Variants in G2E3 observed in about 807,000 individuals in gnomAD.
G2E3 encodes the protein G2/M phase-specific E3 ubiquitin-protein ligase.
Under a neutral mutation model 92.8 loss-of-function variants are expected in G2E3, and 35 were observed. That is an observed-to-expected ratio of 0.38 (90% CI 0.29 to 0.50). G2E3 has a LOEUF of 0.50. G2E3 is among the 20% of genes least tolerant of loss of function. G2E3 has a pLI of 0.94. For missense variants in G2E3, 554 were observed against 823.8 expected, an observed-to-expected ratio of 0.67 and a Z score of 4.01; for synonymous variants, 242 against 272.4, an observed-to-expected ratio of 0.89 and a Z score of 1.10.
At chr14:30,583,902 T>G (rs554439165) in intron 2 of G2E3, among the ~76,000 whole-genome samples, 12 of 152,326 alleles carry the variant, frequency 7.9e-5, no homozygotes, top group African/African-American at 2.9e-4. Context: ...TTTTGAGATA[T>G]ACAGTTTGGT....
At chr14:30,559,362 C>T (rs996838069) in intron 1 of G2E3, 90 bp downstream of exon 1, 4 of 152,578 alleles carry the variant, frequency 2.6e-5, no homozygotes, top group African/African-American at 7.2e-5. Flanking sequence ...GGCCGGACGT[C>T]GCAGCCGGGG....
intron 1 of G2E3, among the ~76,000 whole-genome samples, chr14:30,565,124 C>G (rs1009670258): frequency 6.6e-6 from 1 of 152,194 alleles, no homozygotes; most frequent in African/African-American, 2.4e-5. Flanking sequence ...TCCATATCAT[C>G]ATTAACACTT....
At chr14:30,574,655 T>TA (rs1446651602) in intron 1 of G2E3, 1 of 152,214 alleles carries the variant, frequency 6.6e-6, no homozygotes, top group Non-Finnish European at 1.5e-5. Context: ...AGCTCCCACT[T>TA]ACAAGTGAGA....
intron 1 of G2E3, among the ~76,000 whole-genome samples, chr14:30,571,608 A>G (rs940114270): frequency 6.6e-6 from 1 of 151,954 alleles, no homozygotes; most frequent in African/African-American, 2.4e-5. Flanking sequence ...ATATGAGGTC[A>G]ATGTTCTTCC....
chr14:30,565,643 T>C (rs1879380834), intron 1 of G2E3, among the ~76,000 whole-genome samples: 1 of 146,168 alleles, frequency 6.8e-6, no homozygotes, highest in Non-Finnish European at 1.5e-5. Context: ...GGGGTTCAAC[T>C]TCATTCCTTT....
chr14:30,567,149 T>C (rs1178085661), intron 1 of G2E3, among the ~76,000 whole-genome samples: 1 of 152,172 alleles, frequency 6.6e-6, no homozygotes, highest in East Asian at 1.9e-4. Context: ...TTCTGTGATG[T>C]CTTTTTCTGG....
intron 1 of G2E3, among the ~76,000 whole-genome samples, chr14:30,563,662 ATAACT>A (rs1203537034): frequency 4.6e-5 from 7 of 151,576 alleles, no homozygotes; most frequent in Admixed American, 3.3e-4. Context: ...TTATATATTG[ATAACT>A]TAATGTAAAC....
intron 1 of G2E3, among the ~76,000 whole-genome samples, chr14:30,568,330 A>T (rs1879559334): frequency 6.6e-6 from 1 of 152,142 alleles, no homozygotes; most frequent in African/African-American, 2.4e-5. Flanking sequence ...CCTAGTAGAT[A>T]GTGTATGTAT....
At position 30,597,479 on chromosome 14, in the gene G2E3, C is replaced by T. The variant is rs1881345918; in HGVS notation, c.588C>T (p.Asp196=). 1.3e-6 allele frequency: 2 copies of T among 1,594,800 alleles called. No homozygotes were observed. Among genetic ancestry groups the T allele is most frequent in the African/African-American group, 1.3e-5 (1 of 74,694 alleles). Residue 196 remains aspartate (D), a synonymous_variant, in exon 7 of 15, where the codon GAC becomes GAT. Transcript: ENST00000206595. ...GGTGTACAATATGCAATAATAGTGA[C>T]ATCTTTCAGAAAGAGATGTTGAGAA... is the stretch of plus-strand genomic sequence containing the variant. ...FFRCTICNNS[D]IFQKEMLRMG...
intron 1 of G2E3, among the ~76,000 whole-genome samples, chr14:30,574,317 G>A (rs1417194972): frequency 6.6e-6 from 1 of 151,998 alleles, no homozygotes; most frequent in Admixed American, 6.6e-5. Context: ...TTGGTCAATT[G>A]CCTCGGTGAT....
intron 8 of G2E3, 87 bp downstream of exon 8, chr14:30,598,686 T>A (rs1046378691): frequency 5.9e-5 from 52 of 876,560 alleles, no homozygotes; most frequent in Admixed American, 1.4e-4. Flanking sequence ...TGAAACGTAG[T>A]TTTTCTCTTA....
intron 10 of G2E3, among the ~76,000 whole-genome samples, chr14:30,604,354 T>TTC (rs1343365821): frequency 6.6e-6 from 1 of 152,240 alleles, no homozygotes; most frequent in African/African-American, 2.4e-5. Flanking sequence ...TGGGACAGAT[T>TTC]CATACTTGGT....
At chr14:30,584,213 C>CT (rs1295142349) in intron 2 of G2E3, among the ~76,000 whole-genome samples, 1 of 152,158 alleles carries the variant, frequency 6.6e-6, no homozygotes, top group African/African-American at 2.4e-5. Flanking sequence ...TACTTTCATC[C>CT]TTTTTATTGC....
chr14:30,560,686 T>C lies in G2E3; in HGVS notation c.-5+1414T>C, dbSNP rs183976393. On this transcript the variant is annotated intron_variant, in intron 1 of 14. Coordinates refer to ENST00000206595, the MANE Select transcript of G2E3 (RefSeq NM_017769.5). ...CTACCTGAATTATTTTCATTGGATT[T>C]TTGCTCTTTCTTAAATCAGTGAGTT... The C allele has an allele frequency of 1.1e-3, 692 of 638,424 alleles. 4 individuals carry two copies. The African/African-American group carries it at 0.011, about 10-fold the overall frequency. 39.5% of individuals were successfully genotyped at this position (638,424 alleles called of 1,614,324 possible).
intron 13 of G2E3, among the ~76,000 whole-genome samples, chr14:30,613,462 G>A (rs954821668): frequency 6.6e-6 from 1 of 152,086 alleles, no homozygotes; most frequent in Non-Finnish European, 1.5e-5. Context: ...TTCGATGTGA[G>A]CCTTAATGGT....
At chr14:30,582,314 T>C (rs560918488) in intron 2 of G2E3, among the ~76,000 whole-genome samples, 3 of 152,302 alleles carry the variant, frequency 2.0e-5, no homozygotes, top group African/African-American at 7.2e-5. Flanking sequence ...CAGGACAATT[T>C]TACCAAATTT....
rs180718261 is a variant in G2E3, at chr14:30,609,815, A to G, written c.1500+1746A>G. ...TTCTTACTTCCAAGCTGTCTTGGAGAGTCATTTTCATACTCCTCCATTTTC... is the reference window on the plus strand; with the variant it reads ...TTCTTACTTCCAAGCTGTCTTGGAGGGTCATTTTCATACTCCTCCATTTTC... On this transcript the variant is annotated intron_variant, in intron 12 of 14. Coordinates refer to ENST00000206595, the MANE Select transcript of G2E3 (RefSeq NM_017769.5). Among the ~76,000 whole-genome samples, 238 of 151,984 alleles carry G rather than the reference A, an allele frequency of 1.6e-3. 3 individuals are homozygous for G. The highest frequency in any genetic ancestry group is 1.2e-3 in the South Asian group (6 of 4,826).
intron 11 of G2E3, among the ~76,000 whole-genome samples, 184 bp from the exon 12 acceptor site, chr14:30,607,704 T>C (rs1566550188): frequency 6.6e-6 from 1 of 152,198 alleles, no homozygotes; most frequent in Admixed American, 6.5e-5. Context: ...ATTTTTACTT[T>C]ATATTCAGAA....
At position 30,579,437 on chromosome 14, in the gene G2E3, T is replaced by C. The variant is rs1427109492; in HGVS notation, c.-4-1639T>C. Among the ~76,000 whole-genome samples, 3 of 152,320 alleles carry C rather than the reference T, an allele frequency of 2.0e-5. No homozygotes were observed. The Middle Eastern group carries it at 0.01, about 518-fold the overall frequency. On this transcript the variant is annotated intron_variant, in intron 1 of 14. Transcript: ENST00000206595. ...GACTTTTTAGGAAAGCACAGAAATA[T>C]ATATGAGCAAAACTATGTTTAAATC...
Sources: gnomAD v4.1 joint callset for allele counts (sites outside exome capture counted in the v4.1 genomes callset) on GRCh38, gnomAD v4.1.1 for gene constraint, MANE v1.5 for transcripts, NCBI Gene and HGNC (gene_info 2026-07-23, HGNC 2026-07-21) for gene names.